RSPO3: variants seen among roughly 807,000 people sequenced by gnomAD.
RSPO3 encodes R-spondin 3.
RSPO3 carries 17 observed loss-of-function variants against 36.5 expected under a neutral mutation model. The ratio of observed to expected loss-of-function variants is 0.47; its 90% CI spans 0.32 to 0.70. The LOEUF is 0.70. RSPO3 is among the 30% of genes least tolerant of loss of function. The pLI is 0.04. For missense variants in RSPO3, 294 were observed against 322.5 expected, an observed-to-expected ratio of 0.91 and a Z score of 0.68; for synonymous variants, 108 against 107.0, an observed-to-expected ratio of 1.01 and a Z score of -0.06.
chr6:127,133,880 A>G (rs568098916), intron 1 of RSPO3, among the ~76,000 whole-genome samples: 1 of 152,302 alleles, frequency 6.6e-6, no homozygotes, highest in South Asian at 2.1e-4. Flanking sequence ...CACACCTGGA[A>G]CTTACCCTTG....
intron 4 of RSPO3, among the ~76,000 whole-genome samples, chr6:127,169,448 T>G (rs1220798709): frequency 6.6e-6 from 1 of 151,884 alleles, no homozygotes; most frequent in Non-Finnish European, 1.5e-5. Flanking sequence ...TTGTCCTATA[T>G]CCCTCCTAAA....
chr6:127,150,661 G>C, intron 3 of RSPO3, 89 bp downstream of exon 3: 1 of 1,267,952 alleles, frequency 7.9e-7, no homozygotes, highest in Non-Finnish European at 1.1e-6. Context: ...AGAACTTGAA[G>C]GTTCTTGGGC....
chr6:127,148,762 A>C lies in RSPO3; in HGVS notation c.212A>C (p.Lys71Thr). Residue 71 changes from lysine to threonine, a missense_variant, in exon 2 of 5, where the codon AAG (lysine) becomes ACG (threonine). This residue lies in a region of RSPO3 where 43 missense variants were observed against 86.0 expected (regional missense o/e 0.50). Coordinates refer to ENST00000356698, the MANE Select transcript of RSPO3 (RefSeq NM_032784.5). ...TTTGCTCTGGAAAGAATTGGCATGAAGCAGATTGGAGTATGTCTCTCTTCA... is the reference window on the plus strand; with the variant it reads ...TTTGCTCTGGAAAGAATTGGCATGACGCAGATTGGAGTATGTCTCTCTTCA... Reference protein sequence around the residue: ...LFFALERIGMKQIGVCLSSCP... With the variant: ...LFFALERIGMTQIGVCLSSCP... 6.2e-7 allele frequency: 1 copy of C among 1,613,254 alleles called. No individual in the cohort carries two copies. Among genetic ancestry groups the C allele is most frequent in the Non-Finnish European group, 8.5e-7 (1 of 1,179,410 alleles).
Position 127,168,937 on chromosome 6 carries a change from T to C in RSPO3, c.634+13499T>C, listed in dbSNP as rs533031191. On this transcript the variant is annotated intron_variant, in intron 4 of 4. Coordinates refer to ENST00000356698, the MANE Select transcript of RSPO3 (RefSeq NM_032784.5). ...TGTGTGGTATTATTTCTGAGGGCTC[T>C]GTTCTGTTCCATTGGTCTATATCTC... is the stretch of plus-strand genomic sequence containing the variant. Among the ~76,000 whole-genome samples the C allele has an allele frequency of 3.2e-3, 481 of 152,232 alleles. 1 individual carries two copies. The highest frequency in any genetic ancestry group is 6.8e-3 in the Middle Eastern group (2 of 294).
intron 4 of RSPO3, 65 bp downstream of exon 4, chr6:127,155,503 T>C: frequency 6.9e-7 from 1 of 1,443,066 alleles, no homozygotes; most frequent in East Asian, 2.4e-5. Flanking sequence ...TTTCATTTTA[T>C]TTCTTATGAA....
chr6:127,135,416 T>TAAAAAAAA (rs35739572), intron 1 of RSPO3, among the ~76,000 whole-genome samples: 1 of 95,244 alleles, frequency 1.0e-5, no homozygotes, highest in Non-Finnish European at 2.1e-5. Context: ...TGAGAATCCA[T>TAAAAAAAA]AAAAAAAAAA....
chr6:127,173,261 C>G (rs530336327), intron 4 of RSPO3, among the ~76,000 whole-genome samples: 1 of 151,886 alleles, frequency 6.6e-6, no homozygotes, highest in Admixed American at 6.6e-5. Flanking sequence ...TGCTTCAAAT[C>G]ATTCTGATGT....
intron 4 of RSPO3, among the ~76,000 whole-genome samples, chr6:127,171,614 A>T (rs1774935860): frequency 6.6e-6 from 1 of 151,846 alleles, no homozygotes; most frequent in Non-Finnish European, 1.5e-5. Flanking sequence ...GTAATGTTTA[A>T]CACACGACAC....
intron 4 of RSPO3, among the ~76,000 whole-genome samples, chr6:127,168,639 T>C (rs1307908704): frequency 6.6e-6 from 1 of 152,080 alleles, no homozygotes; most frequent in East Asian, 1.9e-4. Context: ...TTTGTTGCCA[T>C]TGCTTTTGGT....
chr6:127,144,059 T>C (rs1269998673), intron 1 of RSPO3, among the ~76,000 whole-genome samples: 1 of 152,132 alleles, frequency 6.6e-6, no homozygotes, highest in African/African-American at 2.4e-5. Flanking sequence ...GAAATTGAAG[T>C]TTTTTACTCA....
At chr6:127,188,948 G>T (rs971952088) in intron 4 of RSPO3, among the ~76,000 whole-genome samples, 2 of 152,096 alleles carry the variant, frequency 1.3e-5, no homozygotes, top group East Asian at 3.9e-4. Flanking sequence ...GAAATAATGT[G>T]GAGGCAGAAG....
At chr6:127,137,412 C>T (rs892838889) in intron 1 of RSPO3, among the ~76,000 whole-genome samples, 6 of 151,986 alleles carry the variant, frequency 3.9e-5, no homozygotes, top group Admixed American at 3.9e-4. Context: ...AAATAAATAT[C>T]ATTATAAGAT....
intron 4 of RSPO3, among the ~76,000 whole-genome samples, chr6:127,180,316 CAT>C (rs1775154763): frequency 6.6e-6 from 1 of 151,326 alleles, no homozygotes; most frequent in Non-Finnish European, 1.5e-5. Context: ...TGTTCAATAA[CAT>C]AACCAAGAGT....
chr6:127,173,311 T>C (rs1377523794), intron 4 of RSPO3, among the ~76,000 whole-genome samples: 2 of 151,856 alleles, frequency 1.3e-5, no homozygotes, highest in Non-Finnish European at 2.9e-5. Context: ...CAACATTGTA[T>C]TCAAATGCAC....
At chr6:127,165,472 C>T (rs2489630) in intron 4 of RSPO3, among the ~76,000 whole-genome samples, 86,114 of 151,812 alleles carry the variant, frequency 0.57, 24,522 homozygotes, top group African/African-American at 0.63. Flanking sequence ...ATACAGTTAC[C>T]AAAGTATTTC....
chr6:127,148,581 C>A, intron 1 of RSPO3, 67 bp from the exon 2 acceptor site: 2 of 1,335,710 alleles, frequency 1.5e-6, no homozygotes, highest in Non-Finnish European at 2.1e-6. Context: ...TATATCCTGC[C>A]CAGAAAATGT....
chr6:127,158,419 C>T (rs756491033), intron 4 of RSPO3, among the ~76,000 whole-genome samples: 1 of 151,974 alleles, frequency 6.6e-6, no homozygotes, highest in Non-Finnish European at 1.5e-5. Context: ...GTCTATGATC[C>T]CTGCCTAAGA....
intron 4 of RSPO3, 147 bp from the exon 5 acceptor site, chr6:127,195,676 T>G (rs1274998141): frequency 1.9e-5 from 11 of 577,452 alleles, no homozygotes; most frequent in Non-Finnish European, 2.9e-5. Context: ...ACAGACTTAA[T>G]AATAGTTGAA....
chr6:127,176,738 G>T (rs190063890), intron 4 of RSPO3, among the ~76,000 whole-genome samples: 1 of 151,654 alleles, frequency 6.6e-6, no homozygotes, highest in Admixed American at 6.6e-5. Context: ...CTACTCCAGG[G>T]TTTTATAATT....
Sources: allele counts gnomAD v4.1 joint callset (sites outside exome capture counted in the v4.1 genomes callset), GRCh38; gene constraint gnomAD v4.1.1; regional missense constraint gnomAD v4.1.1; transcripts MANE v1.5; gene names NCBI Gene and HGNC (gene_info 2026-07-23, HGNC 2026-07-21).